DGKB: variants seen among roughly 807,000 people sequenced by gnomAD.
DGKB encodes diacylglycerol kinase beta.
A neutral mutation model predicts 114.3 loss-of-function variants in DGKB; 67 were observed. The ratio of observed to expected loss-of-function variants is 0.59; its 90% CI spans 0.48 to 0.72. The LOEUF is 0.72. Ranked by LOEUF, DGKB falls within the 30% of genes least tolerant of loss-of-function variation. DGKB has a pLI of 0.00. For synonymous variants in DGKB, 398 were observed against 323.1 expected (o/e 1.23, Z -2.49); for missense variants, 907 against 975.2 (o/e 0.93, Z 0.93).
intron 21 of DGKB, 112 bp downstream of exon 21, chr7:14,478,049 C>T: frequency 1.6e-6 from 1 of 638,686 alleles, no homozygotes; most frequent in Non-Finnish European, 2.7e-6. Context: ...CACACACGCA[C>T]ACAAAGCCTC....
intron 21 of DGKB, among the ~76,000 whole-genome samples, chr7:14,448,766 G>C (rs2128831885): frequency 6.6e-6 from 1 of 152,050 alleles, no homozygotes; most frequent in East Asian, 1.9e-4. Context: ...TCACAATTAG[G>C]AAGTGGTAGA....
At chr7:14,634,582 GTAGT>G (rs1810385102) in intron 13 of DGKB, among the ~76,000 whole-genome samples, 2 of 150,568 alleles carry the variant, frequency 1.3e-5, no homozygotes, top group Non-Finnish European at 3.0e-5. Flanking sequence ...TTCCAGTGTA[GTAGT>G]TAAAGTGTTC....
intron 1 of DGKB, among the ~76,000 whole-genome samples, chr7:14,865,079 TTGA>T (rs965004080): frequency 1.5e-5 from 1 of 65,196 alleles, no homozygotes; most frequent in African/African-American, 5.3e-5. Flanking sequence ...TTGTAAAGAA[TTGA>T]TGACCTATTG....
At chr7:14,334,442 A>T (rs2128564409) in intron 23 of DGKB, among the ~76,000 whole-genome samples, 1 of 151,540 alleles carries the variant, frequency 6.6e-6, no homozygotes, top group East Asian at 1.9e-4. Flanking sequence ...ATATGCATCT[A>T]CCTATATAGA....
intron 13 of DGKB, among the ~76,000 whole-genome samples, chr7:14,633,955 A>C (rs2128856428): frequency 6.6e-6 from 1 of 151,568 alleles, no homozygotes; most frequent in South Asian, 2.1e-4. Flanking sequence ...CTAATGTGTA[A>C]TCATTTTAAA....
intron 20 of DGKB, among the ~76,000 whole-genome samples, chr7:14,544,874 G>C (rs775269402): frequency 6.6e-6 from 1 of 151,898 alleles, no homozygotes. Context: ...CTGTAAGTCA[G>C]TTCTTCCTCT....
At chr7:14,558,177 T>C in intron 20 of DGKB, among the ~76,000 whole-genome samples, 1 of 150,506 alleles carries the variant, frequency 6.6e-6, no homozygotes, top group Middle Eastern at 3.6e-3. Flanking sequence ...TAGATATATA[T>C]ACATATGTAT....
intron 1 of DGKB, among the ~76,000 whole-genome samples, chr7:14,843,684 T>C (rs969169520): frequency 6.6e-6 from 1 of 152,248 alleles, no homozygotes; most frequent in African/African-American, 2.4e-5. Context: ...AAGTTTTTAA[T>C]TGCCAACAAG....
chr7:14,152,033 AT>A (rs1038279719), intron 25 of DGKB, among the ~76,000 whole-genome samples: 1 of 151,974 alleles, frequency 6.6e-6, no homozygotes. Context: ...ATGTGGGAAA[AT>A]CCTGGTTACG....
intron 1 of DGKB, among the ~76,000 whole-genome samples, chr7:14,960,232 A>G (rs1202908023): frequency 1.3e-5 from 2 of 152,220 alleles, no homozygotes; most frequent in East Asian, 3.9e-4. Context: ...CGTTTAGTTT[A>G]CTTTGAAAAT....
At chr7:14,822,935 A>G (rs1586735197) in intron 2 of DGKB, among the ~76,000 whole-genome samples, 1 of 152,064 alleles carries the variant, frequency 6.6e-6, no homozygotes, top group Non-Finnish European at 1.5e-5. Context: ...ATTTTTCTAC[A>G]TAATATCTTA....
intron 7 of DGKB, 33 bp downstream of exon 7, chr7:14,701,648 A>T (rs765025442): frequency 6.6e-7 from 1 of 1,517,194 alleles, no homozygotes; most frequent in South Asian, 1.1e-5. Context: ...AAATCTTTGA[A>T]GTTTTCACAG....
chr7:14,205,681 A>G (rs1157841730), intron 23 of DGKB, among the ~76,000 whole-genome samples: 1 of 151,854 alleles, frequency 6.6e-6, no homozygotes, highest in Admixed American at 6.6e-5. Context: ...GCTCTTTCCA[A>G]TCACCCAAGT....
intron 2 of DGKB, among the ~76,000 whole-genome samples, chr7:14,821,869 G>A (rs1844986925): frequency 1.3e-5 from 2 of 152,174 alleles, no homozygotes; most frequent in Non-Finnish European, 2.9e-5. Context: ...ACTGGTGACT[G>A]AGCTTACAGT....
intron 2 of DGKB, among the ~76,000 whole-genome samples, chr7:14,806,354 T>A (rs1332942723): frequency 6.6e-6 from 1 of 152,096 alleles, no homozygotes; most frequent in African/African-American, 2.4e-5. Context: ...CTATAGAGTC[T>A]ACAATAAAAT....
intron 1 of DGKB, among the ~76,000 whole-genome samples, chr7:14,884,394 T>A (rs969907368): frequency 2.0e-5 from 3 of 152,014 alleles, no homozygotes; most frequent in Non-Finnish European, 2.9e-5. Context: ...TCATTCTTTA[T>A]TTCCAGGCAG....
At chr7:14,151,557 G>T (rs1397846477) in intron 25 of DGKB, among the ~76,000 whole-genome samples, 1 of 151,886 alleles carries the variant, frequency 6.6e-6, no homozygotes, top group African/African-American at 2.4e-5. Context: ...TTTAATCTAT[G>T]TGACTAAGTA....
At chr7:14,160,108 A>G (rs1048815565) in intron 25 of DGKB, among the ~76,000 whole-genome samples, 1 of 152,202 alleles carries the variant, frequency 6.6e-6, no homozygotes, top group African/African-American at 2.4e-5. Flanking sequence ...TAATCTATCA[A>G]AAGTCTTTGA....
intron 23 of DGKB, among the ~76,000 whole-genome samples, chr7:14,244,831 G>T (rs1316309482): frequency 1.3e-5 from 2 of 151,926 alleles, no homozygotes; most frequent in Admixed American, 6.6e-5. Flanking sequence ...ATGAAAAGTG[G>T]TCCCTCACTA....
Sources: gnomAD v4.1 joint callset for allele counts (sites outside exome capture counted in the v4.1 genomes callset) on GRCh38, gnomAD v4.1.1 for gene constraint, MANE v1.5 for transcripts, NCBI Gene and HGNC (gene_info 2026-07-23, HGNC 2026-07-21) for gene names.